Variants in ZBTB8B observed in about 807,000 individuals in gnomAD.
ZBTB8B encodes zinc finger and BTB domain-containing protein 8B.
In ZBTB8B, 17 loss-of-function variants were observed where a neutral mutation model predicts 30.3. The ratio of observed to expected loss-of-function variants is 0.56; its 90% CI spans 0.38 to 0.84. The LOEUF is 0.84. Ranked by LOEUF, ZBTB8B falls within the 40% of genes least tolerant of loss-of-function variation. The pLI is 0.00. For missense variants in ZBTB8B, 515 were observed against 644.9 expected (o/e 0.80, Z 2.18); for synonymous variants, 248 against 255.6 (o/e 0.97, Z 0.28).
rs551428332 is a variant in ZBTB8B at position 32,488,621 on chromosome 1, C to T, written c.*3203C>T. 3.3e-5 allele frequency: 5 copies of T among 152,150 alleles called. No individual in the cohort carries two copies. Among genetic ancestry groups the T allele is most frequent in the African/African-American group, 1.2e-4 (5 of 41,496 alleles). 9.4% of individuals were successfully genotyped at this position (152,150 alleles called of 1,614,324 possible). ...CATCCTGAAATGCACAGGACAGTCC[C>T]CACAACAATGAATTCTCCAATTCAA... On this transcript the variant is annotated 3_prime_UTR_variant, in exon 4 of 4. Transcript: ENST00000609129.
In ZBTB8B at chr1:32,494,861, C is replaced by T. The variant is rs1643805859; in HGVS notation, c.*9443C>T. ...TCACCCAGGCTGGAGTGCAGTGGTG[C>T]AATCTCGGCCCACTGCAATCTCCGC... On this transcript the variant is annotated 3_prime_UTR_variant, in exon 4 of 4. Coordinates refer to ENST00000609129, the MANE Select transcript of ZBTB8B (RefSeq NM_001145720.2). 1 of 152,046 alleles carries T rather than the reference C, an allele frequency of 6.6e-6. No homozygotes were observed. Among genetic ancestry groups the T allele is most frequent in the Admixed American group, 6.6e-5 (1 of 15,258 alleles). 9.4% of individuals were successfully genotyped at this position (152,046 alleles called of 1,614,324 possible). A position where few individuals can be genotyped will look rare whatever the true frequency, so the allele number is the denominator to read the frequency against.
chr1:32,476,622 C>T (rs1643666758), intron 2 of ZBTB8B, among the ~76,000 whole-genome samples: 1 of 151,964 alleles, frequency 6.6e-6, no homozygotes, highest in African/African-American at 2.4e-5. Flanking sequence ...CACGTACCTT[C>T]CTTGCTTAAA....
Position 32,480,891 on chromosome 1 carries a change from G to A in ZBTB8B, c.992G>A (p.Gly331Asp). The A allele has an allele frequency of 6.4e-7, 1 of 1,551,056 alleles. No individual in the cohort carries two copies. Among genetic ancestry groups the A allele is most frequent in the Non-Finnish European group, 8.7e-7 (1 of 1,146,574 alleles). Reference protein sequence around the residue: ...VQADWYGEDSGDVLVVPIKLH... With the variant: ...VQADWYGEDSDDVLVVPIKLH... ...TAAATGAAAGCATTTGGTTCCCCAG[G>A]TGATGTGCTGGTGGTCCCCATCAAG... The change falls in exon 3 of 4, where the codon GGT becomes GAT. Residue 331 changes from glycine to aspartate, a missense_variant and splice_region_variant. Coordinates refer to ENST00000609129, the MANE Select transcript of ZBTB8B (RefSeq NM_001145720.2).
In ZBTB8B at chr1:32,484,211, A is replaced by G. The variant is rs371161168; in HGVS notation, c.1171-890A>G. ...TGACAGAGAAAGACCCTGTCTCTGG[A>G]AAAAAAAAAAAAAAATCCCAATCAG... On this transcript the variant is annotated intron_variant, in intron 3 of 3. Coordinates refer to ENST00000609129, the MANE Select transcript of ZBTB8B (RefSeq NM_001145720.2). The surrounding 1 kb of genome is among the most constrained non-coding windows in gnomAD (Gnocchi z 4.5). 0.013 allele frequency among the ~76,000 whole-genome samples: 1,606 copies of G among 125,000 alleles called. 27 individuals carry two copies. The highest frequency in any genetic ancestry group is 0.046 in the African/African-American group (1,516 of 32,638). 82.0% of individuals were successfully genotyped at this position (125,000 alleles called of 152,430 possible). A position where few individuals can be genotyped will look rare whatever the true frequency, so the allele number is the denominator to read the frequency against.
At position 32,480,874 on chromosome 1, in the gene ZBTB8B, A is replaced by G. The variant is rs1426139470; in HGVS notation, c.992-17A>G. ...ACTGCATACAGCACAGCTAAATGAA[A>G]GCATTTGGTTCCCCAGGTGATGTGC... is the stretch of plus-strand genomic sequence containing the variant. On this transcript the variant is annotated splice_polypyrimidine_tract_variant and intron_variant, in intron 2 of 3. Coordinates refer to ENST00000609129, the MANE Select transcript of ZBTB8B (RefSeq NM_001145720.2). The G allele has an allele frequency of 1.9e-6, 3 of 1,548,814 alleles. No homozygotes were observed. The African/African-American group carries it at 4.1e-5, about 21-fold the overall frequency.
At position 32,492,296 on chromosome 1, in the gene ZBTB8B, CTTTT is replaced by C. The variant is rs757432694; in HGVS notation, c.*6898_*6901del. Reference sequence around the variant, plus strand: ...AAACACAGGCTCTTGGTAACCGTGCCTTTTTTTTTTTTTTTTTTTTTTTAAAGAT... The same window carrying C: ...AAACACAGGCTCTTGGTAACCGTGCCTTTTTTTTTTTTTTTTTTTAAAGAT... On this transcript the variant is annotated 3_prime_UTR_variant, in exon 4 of 4. Transcript: ENST00000609129. 8.1e-5 allele frequency: 10 copies of C among 123,002 alleles called. No homozygotes were observed. Among genetic ancestry groups the C allele is most frequent in the Non-Finnish European group, 8.4e-5 (5 of 59,674 alleles). 7.6% of individuals were successfully genotyped at this position (123,002 alleles called of 1,614,324 possible).
intron 2 of ZBTB8B, among the ~76,000 whole-genome samples, chr1:32,479,499 G>A (rs1358423100): frequency 6.6e-6 from 1 of 151,932 alleles, no homozygotes; most frequent in African/African-American, 2.4e-5. Flanking sequence ...CTCCAGCCTG[G>A]GTTATAGAGT....
intron 2 of ZBTB8B, among the ~76,000 whole-genome samples, chr1:32,473,083 A>C (rs1643636251): frequency 1.3e-5 from 2 of 152,258 alleles, no homozygotes; most frequent in African/African-American, 4.8e-5. Context: ...TTGTGTTATA[A>C]GGTGTCTTGT....
rs1163358466 is a variant in ZBTB8B at position 32,471,526 on chromosome 1, C to T, written c.902C>T (p.Ser301Phe). 9 of 1,551,666 alleles carry T rather than the reference C, an allele frequency of 5.8e-6. No individual in the cohort carries two copies. Among genetic ancestry groups the T allele is most frequent in the African/African-American group, 1.4e-5 (1 of 73,074 alleles). ...AAGGATGATGCAGACCATCACTTTT[C>T]TAGGAGTTTGGAAGGAAGACCAGAA... ...PSKDDADHHF[S>F]RSLEGRPEGA... Residue 301 changes from serine to phenylalanine, a missense_variant, in exon 2 of 4, where the codon TCT becomes TTT. By Grantham distance (155) the Ser-to-Phe change is radical. Around this residue, in one of 3 missense-constraint regions of ZBTB8B, gnomAD observed 429 missense variants for 504.3 expected, o/e 0.85. Coordinates refer to ENST00000609129, the MANE Select transcript of ZBTB8B (RefSeq NM_001145720.2).
rs1039963655 is a variant in ZBTB8B at position 32,495,622 on chromosome 1, T to C, written c.*10204T>C. 3 of 152,228 alleles carry C rather than the reference T, an allele frequency of 2.0e-5. No homozygotes were observed. Among genetic ancestry groups the C allele is most frequent in the African/African-American group, 7.2e-5 (3 of 41,462 alleles). The allele number at this position is 152,228 out of a possible 1,614,324, so 9.4% of individuals were successfully genotyped here. ...ATTTTGTCCTCGGAAACAAATACAA[T>C]TTAACTATTTTCTGTACCGTCCCAA... On this transcript the variant is annotated 3_prime_UTR_variant, in exon 4 of 4. Coordinates refer to ENST00000609129, the MANE Select transcript of ZBTB8B (RefSeq NM_001145720.2).
Position 32,470,717 on chromosome 1 carries a change from A to G in ZBTB8B, c.93A>G (p.Glu31=). 4 of 1,551,734 alleles carry G rather than the reference A, an allele frequency of 2.6e-6. No individual in the cohort carries two copies. Among genetic ancestry groups the G allele is most frequent in the Non-Finnish European group, 3.5e-6 (4 of 1,146,996 alleles). Residue 31 remains glutamate, a synonymous_variant, in exon 2 of 4, where the codon GAA becomes GAG. Coordinates refer to ENST00000609129, the MANE Select transcript of ZBTB8B (RefSeq NM_001145720.2). ...TCTGTGACTGCAGCATCATTGTGGA[A>G]GGGCGGATCTTCAAGGCCCACAGGA... The part of the protein sequence containing the change: ...DFFCDCSIIV[E]GRIFKAHRNI...
At position 32,465,459 on chromosome 1, in the gene ZBTB8B, C is replaced by G. The variant is rs558141530; in HGVS notation, c.-42+354C>G. Among the ~76,000 whole-genome samples the G allele has an allele frequency of 1.3e-5, 2 of 152,358 alleles. No homozygotes were observed. The highest frequency in any genetic ancestry group is 3.9e-4 in the East Asian group (2 of 5,180). ...GCGGCAGCGATGGCCACTTTGTCCG[C>G]GGGAGGCCATGGGAGGGGCTAGGCC... On this transcript the variant is annotated intron_variant, in intron 1 of 3. Coordinates refer to ENST00000609129, the MANE Select transcript of ZBTB8B (RefSeq NM_001145720.2). This position sits in a 1 kb window ranked among gnomAD's most constrained non-coding sequence, Gnocchi z 4.1.
rs1643799747 is a variant in ZBTB8B at position 32,494,147 on chromosome 1, C to T, written c.*8729C>T. ...GCAGTGAGCTGAGATCACACCACTG[C>T]ACTTCAGCCTGGGCAACGAGAGCAA... is the stretch of plus-strand genomic sequence containing the variant. On this transcript the variant is annotated 3_prime_UTR_variant, in exon 4 of 4. Coordinates refer to ENST00000609129, the MANE Select transcript of ZBTB8B (RefSeq NM_001145720.2). The T allele has an allele frequency of 7.4e-6, 1 of 135,944 alleles. No individual in the cohort carries two copies. The highest frequency in any genetic ancestry group is 2.8e-5 in the African/African-American group (1 of 35,584). 8.4% of individuals were successfully genotyped at this position (135,944 alleles called of 1,614,324 possible). A position where few individuals can be genotyped will look rare whatever the true frequency, so the allele number is the denominator to read the frequency against.
chr1:32,465,816 A>C lies in ZBTB8B; in HGVS notation c.-42+711A>C, dbSNP rs986550796. ...GATGTTATCTGCATCTTTGAATCTC[A>C]GTTCCTCCTCTGAAAAAGAGGATGT... On this transcript the variant is annotated intron_variant, in intron 1 of 3. Coordinates refer to ENST00000609129, the MANE Select transcript of ZBTB8B (RefSeq NM_001145720.2). This position sits in a 1 kb window ranked among gnomAD's most constrained non-coding sequence, Gnocchi z 4.1. 6.6e-6 allele frequency among the ~76,000 whole-genome samples: 1 copy of C among 152,106 alleles called. No individual in the cohort carries two copies. The highest frequency in any genetic ancestry group is 1.5e-5 in the Non-Finnish European group (1 of 68,020).
At chr1:32,473,254 C>T (rs1643637507) in intron 2 of ZBTB8B, among the ~76,000 whole-genome samples, 2 of 151,188 alleles carry the variant, frequency 1.3e-5, no homozygotes, top group African/African-American at 2.4e-5. Flanking sequence ...TGCAGTGAGC[C>T]GAGATCGTGC....
rs766409585 is a variant in ZBTB8B at position 32,481,037 on chromosome 1, C to T, written c.1138C>T (p.Arg380Ter). 5 of 1,551,720 alleles carry T rather than the reference C, an allele frequency of 3.2e-6. No individual in the cohort carries two copies. Among genetic ancestry groups the T allele is most frequent in the Admixed American group, 2.0e-5 (1 of 50,976 alleles). The change falls in exon 3 of 4, where the codon CGA (arginine) becomes TGA (stop). Residue 380 changes from arginine to a stop codon, truncating the protein, a stop_gained. Coordinates refer to ENST00000609129, the MANE Select transcript of ZBTB8B (RefSeq NM_001145720.2). LOFTEE classifies it high-confidence loss of function. ...PCETCGKRFT[R>*]QEHLRSHALS... is the part of the protein sequence containing the mutation. ...TGAGACCTGCGGCAAGAGGTTCACTCGACAAGAGCACCTGCGGAGCCACGC... is the reference window on the plus strand; with the variant it reads ...TGAGACCTGCGGCAAGAGGTTCACTTGACAAGAGCACCTGCGGAGCCACGC...
chr1:32,481,012 TG>T lies in ZBTB8B; in HGVS notation c.1114del (p.Glu372ArgfsTer18). The T allele has an allele frequency of 3.2e-6, 5 of 1,552,250 alleles. No homozygotes were observed. The highest frequency in any genetic ancestry group is 4.4e-6 in the Non-Finnish European group (5 of 1,147,164). Reference protein sequence around the residue: ...SHTGERPYPCETCGKRFTRQE... With the variant: ...SHTGERPYPCXTCGKRFTRQE... ...ACACAGGCGAGCGGCCCTACCCCTG[TG>T]AGACCTGCGGCAAGAGGTTCACTCG... On this transcript the variant is annotated frameshift_variant, in exon 3 of 4. Coordinates refer to ENST00000609129, the MANE Select transcript of ZBTB8B (RefSeq NM_001145720.2). LOFTEE classifies it high-confidence loss of function.
Position 32,470,690 on chromosome 1 carries a change from T to C in ZBTB8B, c.66T>C (p.Phe22=). 3 of 1,551,616 alleles carry C rather than the reference T, an allele frequency of 1.9e-6. No individual in the cohort carries two copies. Among genetic ancestry groups the C allele is most frequent in the Non-Finnish European group, 2.6e-6 (3 of 1,147,002 alleles). The change falls in exon 2 of 4, where the codon TTT becomes TTC. Residue 22 remains phenylalanine (F), a synonymous_variant. Transcript: ENST00000609129. ...GELNEQRKRD[F]FCDCSIIVEG... ...TGAATGAACAGAGAAAGAGGGACTTTTTCTGTGACTGCAGCATCATTGTGG... is the reference window on the plus strand; with the variant it reads ...TGAATGAACAGAGAAAGAGGGACTTCTTCTGTGACTGCAGCATCATTGTGG...
chr1:32,465,529 T>C lies in ZBTB8B; in HGVS notation c.-42+424T>C, dbSNP rs1372922847. 6.6e-6 allele frequency among the ~76,000 whole-genome samples: 1 copy of C among 152,232 alleles called. No homozygotes were observed. Among genetic ancestry groups the C allele is most frequent in the Non-Finnish European group, 1.5e-5 (1 of 68,030 alleles). On this transcript the variant is annotated intron_variant, in intron 1 of 3. Coordinates refer to ENST00000609129, the MANE Select transcript of ZBTB8B (RefSeq NM_001145720.2). The surrounding 1 kb of genome is among the most constrained non-coding windows in gnomAD (Gnocchi z 4.1). ...GGCCGTGCCCTGTAGCTGGTTCTGG[T>C]GGCCTCTCTGCAGGTCGTCTGATGC... is the stretch of plus-strand genomic sequence containing the variant.
Sources: allele counts gnomAD v4.1 joint callset (sites outside exome capture counted in the v4.1 genomes callset), GRCh38; gene constraint gnomAD v4.1.1; regional missense constraint gnomAD v4.1.1; non-coding constraint Gnocchi (gnomAD v3.1); transcripts MANE v1.5; gene names NCBI Gene and HGNC (gene_info 2026-07-23, HGNC 2026-07-21).